IL1RAPL1: variants seen among roughly 807,000 people sequenced by gnomAD.
IL1RAPL1 encodes interleukin 1 receptor accessory protein like 1, also known as interleukin-1 receptor accessory protein-like 1.
A neutral mutation model predicts 48.4 loss-of-function variants in IL1RAPL1; 3 were observed. The ratio of observed to expected loss-of-function variants is 0.06; its 90% CI spans 0.03 to 0.16. IL1RAPL1 has a LOEUF of 0.16. IL1RAPL1 is among the 10% of genes least tolerant of loss of function. The pLI, the probability that IL1RAPL1 is intolerant of heterozygous loss-of-function variation, is 1.00. For synonymous variants in IL1RAPL1, 185 were observed against 187.7 expected, an observed-to-expected ratio of 0.99 and a Z score of 0.12; for missense variants, 349 against 530.6, an observed-to-expected ratio of 0.66 and a Z score of 3.36.
At chrX:28,757,159 A>G (rs1309956551) in intron 1 of IL1RAPL1, among the ~76,000 whole-genome samples, 4 of 112,333 alleles carry the variant, frequency 3.6e-5, no homozygotes, top group Non-Finnish European at 7.5e-5. Context: ...AAAATTTGCA[A>G]TAAATATTTT....
At chrX:28,732,923 T>TA (rs1355670052) in intron 1 of IL1RAPL1, among the ~76,000 whole-genome samples, 8 of 111,532 alleles carry the variant, frequency 7.2e-5, no homozygotes, top group Admixed American at 3.8e-4. Flanking sequence ...GGTATAGTGT[T>TA]AAACACATAA....
At chrX:28,927,755 A>G (rs1168970011) in intron 2 of IL1RAPL1, among the ~76,000 whole-genome samples, 1 of 110,541 alleles carries the variant, frequency 9.0e-6, no homozygotes, top group Non-Finnish European at 1.9e-5. Context: ...TCCTTCTGGA[A>G]AACTGTCTTC....
chrX:29,007,842 C>T (rs967175806), intron 2 of IL1RAPL1, among the ~76,000 whole-genome samples: 2 of 111,990 alleles, frequency 1.8e-5, no homozygotes, highest in Non-Finnish European at 3.8e-5. Flanking sequence ...TAGAACATCT[C>T]ACTAATTATG....
chrX:29,802,921 A>G (rs1474934087), intron 6 of IL1RAPL1, among the ~76,000 whole-genome samples: 5 of 42,264 alleles, frequency 1.2e-4, no homozygotes, highest in African/African-American at 3.2e-4. Context: ...ATGTGTACAT[A>G]TATACATATA....
chrX:28,967,944 G>C (rs766290084), intron 2 of IL1RAPL1, among the ~76,000 whole-genome samples: 1 of 111,810 alleles, frequency 8.9e-6, no homozygotes, highest in South Asian at 3.7e-4. Flanking sequence ...GAGAGAGAGC[G>C]TCCCTCACTT....
chrX:29,509,418 C>T (rs745938347), intron 5 of IL1RAPL1, among the ~76,000 whole-genome samples: 20 of 112,442 alleles, frequency 1.8e-4, no homozygotes, highest in African/African-American at 5.2e-4. Context: ...GGATTGTAGC[C>T]TAGCCACATT....
chrX:29,260,847 C>T (rs1931843904), intron 2 of IL1RAPL1, among the ~76,000 whole-genome samples: 1 of 108,677 alleles, frequency 9.2e-6, no homozygotes, highest in Non-Finnish European at 1.9e-5. Flanking sequence ...GCATTCTCAT[C>T]CCACTTATAT....
In IL1RAPL1 at chrX:29,409,979, C is replaced by T. The variant is rs751418829; in HGVS notation, c.703+10671C>T. ...CTGGGATTATAGGCATGTGCCACCA[C>T]GCCCGGCTAATTTTTTATTTTTAGT... On this transcript the variant is annotated intron_variant, in intron 5 of 10. Coordinates refer to ENST00000378993, the MANE Select transcript of IL1RAPL1 (RefSeq NM_014271.4). Among the ~76,000 whole-genome samples, 14 of 110,000 alleles carry T rather than the reference C, an allele frequency of 1.3e-4. No individual in the cohort carries two copies. In the South Asian group the frequency reaches 4.4e-3, roughly 34 times the overall value.
chrX:29,201,982 A>C (rs1437641375), intron 2 of IL1RAPL1, among the ~76,000 whole-genome samples: 1 of 112,509 alleles, frequency 8.9e-6, no homozygotes, highest in Non-Finnish European at 1.9e-5. Flanking sequence ...GGCGTGAGCC[A>C]CCAAGCCCGA....
At chrX:29,094,493 C>A (rs967576473) in intron 2 of IL1RAPL1, among the ~76,000 whole-genome samples, 1 of 106,015 alleles carries the variant, frequency 9.4e-6, no homozygotes, top group African/African-American at 3.5e-5. Context: ...CATGGTGGCT[C>A]ACGCCTGTAA....
chrX:29,136,864 A>G (rs1365796489), intron 2 of IL1RAPL1, among the ~76,000 whole-genome samples: 3 of 111,858 alleles, frequency 2.7e-5, no homozygotes, highest in Non-Finnish European at 5.6e-5. Context: ...TATTATGAGA[A>G]AACTGAGGCA....
At chrX:29,613,908 C>T (rs1924185949) in intron 5 of IL1RAPL1, among the ~76,000 whole-genome samples, 2 of 107,106 alleles carry the variant, frequency 1.9e-5, no homozygotes, top group African/African-American at 6.8e-5. Context: ...GGACTACAGG[C>T]GCCTGCCACC....
At chrX:29,862,053 AT>A (rs1280873348) in intron 6 of IL1RAPL1, among the ~76,000 whole-genome samples, 1 of 110,406 alleles carries the variant, frequency 9.1e-6, no homozygotes, top group Non-Finnish European at 1.9e-5. Context: ...AAATTAAAAA[AT>A]AAAAAAAAAT....
At chrX:28,674,571 T>C (rs1934979500) in intron 1 of IL1RAPL1, among the ~76,000 whole-genome samples, 1 of 111,977 alleles carries the variant, frequency 8.9e-6, no homozygotes, top group Non-Finnish European at 1.9e-5. Flanking sequence ...GTTTTAACTG[T>C]CCTAATTTTC....
chrX:28,633,977 CTAAATATT>C (rs1264581203), intron 1 of IL1RAPL1, among the ~76,000 whole-genome samples: 2 of 111,192 alleles, frequency 1.8e-5, no homozygotes, highest in African/African-American at 6.5e-5. Flanking sequence ...ACTAAAAATA[CTAAATATT>C]TAAAGATTGA....
At chrX:29,660,919 G>A (rs1320028032) in intron 5 of IL1RAPL1, among the ~76,000 whole-genome samples, 1 of 111,907 alleles carries the variant, frequency 8.9e-6, no homozygotes, top group African/African-American at 3.2e-5. Context: ...ATTGCTTTGG[G>A]CAGTATGGTC....
At chrX:29,464,776 G>A (rs11798204) in intron 5 of IL1RAPL1, among the ~76,000 whole-genome samples, 12,428 of 111,699 alleles carry the variant, frequency 0.11, 1,151 homozygotes, top group African/African-American at 0.31. Context: ...ATTGTCCTTT[G>A]TAGCAGCATT....
At chrX:29,912,784 T>C (rs893608161) in intron 6 of IL1RAPL1, among the ~76,000 whole-genome samples, 11 of 112,266 alleles carry the variant, frequency 9.8e-5, no homozygotes, top group Non-Finnish European at 1.7e-4. Context: ...TGTTGTGTAA[T>C]TGGCATATCC....
intron 1 of IL1RAPL1, among the ~76,000 whole-genome samples, chrX:28,724,944 AATTT>A (rs1490780262): frequency 1.9e-5 from 2 of 105,364 alleles, no homozygotes; most frequent in African/African-American, 3.5e-5. Context: ...CCTCCAACTC[AATTT>A]GTTTTTTTTT....
Sources: gnomAD v4.1 joint callset for allele counts (sites outside exome capture counted in the v4.1 genomes callset) on GRCh38, gnomAD v4.1.1 for gene constraint, MANE v1.5 for transcripts, NCBI Gene and HGNC (gene_info 2026-07-23, HGNC 2026-07-21) for gene names.